The following SPATS2 variants were observed in gnomAD, a reference collection of about 807,000 sequenced individuals.
The protein encoded by SPATS2 is spermatogenesis-associated serine-rich protein 2.
A neutral mutation model predicts 63.7 loss-of-function variants in SPATS2; 38 were observed. The ratio of observed to expected loss-of-function variants is 0.60; its 90% CI spans 0.46 to 0.78. The LOEUF (loss-of-function observed/expected upper bound fraction) is 0.78. Among genes scored for constraint, SPATS2 ranks in the 30% least tolerant of loss-of-function variants. The probability of loss-of-function intolerance (pLI) is 0.00; values close to 1 mark genes in which losing one functional copy is unlikely to be tolerated. For synonymous variants in SPATS2, 207 were observed against 232.9 expected (o/e 0.89, Z 1.01); for missense variants, 588 against 666.2 (o/e 0.88, Z 1.29).
chr12:49,396,071 G>A (rs79610113), intron 2 of SPATS2, among the ~76,000 whole-genome samples: 6,819 of 152,232 alleles, frequency 0.045, 344 homozygotes, highest in African/African-American at 0.12. Context: ...GTCACATGTG[G>A]CAGGATTTCC....
intron 2 of SPATS2, among the ~76,000 whole-genome samples, chr12:49,404,056 G>A (rs1280648003): frequency 6.6e-6 from 1 of 152,168 alleles, no homozygotes; most frequent in African/African-American, 2.4e-5. Context: ...GCCAGGCACT[G>A]GGCTAGATGC....
chr12:49,491,693 G>C (rs2137886196), intron 6 of SPATS2, among the ~76,000 whole-genome samples: 1 of 152,266 alleles, frequency 6.6e-6, no homozygotes, highest in African/African-American at 2.4e-5. Flanking sequence ...TAACATTTGT[G>C]CCTTAGTTTG....
intron 3 of SPATS2, among the ~76,000 whole-genome samples, chr12:49,484,092 C>G (rs749356056): frequency 1.3e-5 from 2 of 152,130 alleles, no homozygotes; most frequent in African/African-American, 4.8e-5. Flanking sequence ...GGATGCCTTG[C>G]GTCATCAAGC....
intron 8 of SPATS2, among the ~76,000 whole-genome samples, chr12:49,499,320 G>GT (rs1468249097): frequency 1.3e-5 from 2 of 152,166 alleles, no homozygotes; most frequent in Admixed American, 6.5e-5. Context: ...ATATTGTGAG[G>GT]TTTTTCCACT....
chr12:49,523,678 G>A (rs371267693), intron 12 of SPATS2, among the ~76,000 whole-genome samples: 5 of 152,222 alleles, frequency 3.3e-5, no homozygotes, highest in South Asian at 4.1e-4. Flanking sequence ...ATTGCCAGGC[G>A]CGGTGGCTCA....
rs1945487661 is a variant in SPATS2, at chr12:49,445,054, A to G, written c.-243-15716A>G. On this transcript the variant is annotated intron_variant, in intron 2 of 13. Coordinates refer to ENST00000552918, the MANE Select transcript of SPATS2 (RefSeq NM_023071.4). ...GGTCATATTATCTTTGAATAAAAACATGTTACTTCTTCCTTTCCAATTGTG... is the reference window on the plus strand; with the variant it reads ...GGTCATATTATCTTTGAATAAAAACGTGTTACTTCTTCCTTTCCAATTGTG... Among the ~76,000 whole-genome samples the G allele has an allele frequency of 2.0e-5, 3 of 152,210 alleles. No individual in the cohort carries two copies. The South Asian group carries it at 6.2e-4, about 32-fold the overall frequency.
intron 3 of SPATS2, among the ~76,000 whole-genome samples, chr12:49,478,270 C>T (rs542584174): frequency 1.3e-5 from 2 of 152,286 alleles, no homozygotes; most frequent in South Asian, 4.1e-4. Flanking sequence ...TGAGCCACTG[C>T]AGCCAGCCAG....
chr12:49,514,430 C>A, intron 9 of SPATS2, 125 bp from the exon 10 acceptor site: 1 of 769,828 alleles, frequency 1.3e-6, no homozygotes, highest in Non-Finnish European at 2.1e-6. Context: ...GTGATCCATA[C>A]AATATTATTT....
chr12:49,414,118 T>C (rs1944845248), intron 2 of SPATS2, among the ~76,000 whole-genome samples: 1 of 152,212 alleles, frequency 6.6e-6, no homozygotes, highest in East Asian at 1.9e-4. Context: ...AAGCCTCTTT[T>C]CATTTTGTAT....
At chr12:49,449,806 A>G (rs1357156400) in intron 2 of SPATS2, among the ~76,000 whole-genome samples, 1 of 152,158 alleles carries the variant, frequency 6.6e-6, no homozygotes, top group Non-Finnish European at 1.5e-5. Flanking sequence ...AGTTATCTCC[A>G]CCTGTCCCCA....
At chr12:49,496,067 G>A (rs1946458592) in intron 7 of SPATS2, among the ~76,000 whole-genome samples, 1 of 152,146 alleles carries the variant, frequency 6.6e-6, no homozygotes, top group Admixed American at 6.5e-5. Flanking sequence ...GAAGTGTAAT[G>A]CCAATATAAG....
intron 2 of SPATS2, among the ~76,000 whole-genome samples, chr12:49,400,104 CCTCT>C (rs1944580104): frequency 6.6e-6 from 1 of 152,158 alleles, no homozygotes; most frequent in African/African-American, 2.4e-5. Flanking sequence ...ACAAAACAGA[CCTCT>C]CTGTCTTCCT....
At chr12:49,369,141 C>T (rs1224482298) in intron 1 of SPATS2, among the ~76,000 whole-genome samples, 1 of 150,528 alleles carries the variant, frequency 6.6e-6, no homozygotes, top group African/African-American at 2.5e-5. Context: ...GTTCAAGCGA[C>T]CCCAGCCTCC....
intron 2 of SPATS2, among the ~76,000 whole-genome samples, chr12:49,457,558 C>T (rs1592416634): frequency 2.6e-5 from 4 of 152,124 alleles, no homozygotes; most frequent in South Asian, 2.1e-4. Context: ...CTCAGCCTCC[C>T]GAGTAGCTGG....
intron 2 of SPATS2, among the ~76,000 whole-genome samples, chr12:49,409,604 T>A (rs1294804990): frequency 1.4e-5 from 2 of 143,840 alleles, no homozygotes; most frequent in Admixed American, 1.4e-4. Flanking sequence ...TTTTTTTTTT[T>A]TTTTTTTTTT....
rs1357322627 is a variant in SPATS2, at chr12:49,371,928, C to G, written c.-244+638C>G. 2.7e-5 allele frequency among the ~76,000 whole-genome samples: 4 copies of G among 148,570 alleles called. No homozygotes were observed. In the East Asian group the frequency reaches 8.0e-4, roughly 30 times the overall value. ...AGGAGATTTGGTGGTGACACAGATC[C>G]AAACTATATCGCCCTCCTTTCAGGT... On this transcript the variant is annotated intron_variant, in intron 2 of 13. Coordinates refer to ENST00000552918, the MANE Select transcript of SPATS2 (RefSeq NM_023071.4).
At position 49,516,189 on chromosome 12, in the gene SPATS2, ATATAT is replaced by A. The variant is rs1565760907; in HGVS notation, c.898+1577_898+1581del. Among the ~76,000 whole-genome samples, 2 of 105,304 alleles carry A rather than the reference ATATAT, an allele frequency of 1.9e-5. 1 individual carries two copies. Among genetic ancestry groups the A allele is most frequent in the African/African-American group, 6.8e-5 (2 of 29,480 alleles). 69.1% of individuals were successfully genotyped at this position (105,304 alleles called of 152,430 possible). ...AAAATATATATATATATATATATATATATATATATATATATATATAAATCAGGCAT... is the reference window on the plus strand; with the variant it reads ...AAAATATATATATATATATATATATAATATATATATATATAAATCAGGCAT... On this transcript the variant is annotated intron_variant, in intron 10 of 13. Transcript: ENST00000552918.
chr12:49,376,278 T>C (rs1944100774), intron 2 of SPATS2, among the ~76,000 whole-genome samples: 1 of 151,738 alleles, frequency 6.6e-6, no homozygotes, highest in South Asian at 2.1e-4. Flanking sequence ...ATTTTTTGTA[T>C]TTTTAGTAGA....
intron 2 of SPATS2, among the ~76,000 whole-genome samples, chr12:49,436,293 C>G (rs1284147930): frequency 4.3e-5 from 6 of 139,938 alleles, no homozygotes; most frequent in Non-Finnish European, 9.4e-5. Flanking sequence ...ACCTCCCTCC[C>G]GGATGGGGCG....
Sources: gnomAD v4.1 joint callset for allele counts (sites outside exome capture counted in the v4.1 genomes callset) on GRCh38, gnomAD v4.1.1 for gene constraint, MANE v1.5 for transcripts, NCBI Gene and HGNC (gene_info 2026-07-23, HGNC 2026-07-21) for gene names.